MAGEC3: variants seen among roughly 807,000 people sequenced by gnomAD.
MAGEC3 encodes the protein MAGE family member C3, also known as melanoma-associated antigen C3.
A neutral mutation model predicts 35.3 loss-of-function variants in MAGEC3; 34 were observed. That is an observed-to-expected ratio of 0.96 (90% confidence interval 0.73 to 1.28). MAGEC3 has a LOEUF of 1.28. Ranked by LOEUF, MAGEC3 falls within the 50% of genes most tolerant of loss-of-function variation. The pLI is 0.00. For synonymous variants in MAGEC3, 202 were observed against 185.6 expected (o/e 1.09, Z -0.72); for missense variants, 561 against 483.6 (o/e 1.16, Z -1.50).
chrX:141,848,107 A>G (rs1194964055), intron 1 of MAGEC3, among the ~76,000 whole-genome samples: 1 of 109,940 alleles, frequency 9.1e-6, no homozygotes, highest in Non-Finnish European at 1.9e-5. Flanking sequence ...ATATACACGC[A>G]TCTATATGTA....
chrX:141,869,210 A>G lies in MAGEC3; in HGVS notation c.258+3605A>G, dbSNP rs774898001. On this transcript the variant is annotated intron_variant, in intron 2 of 7. Coordinates refer to ENST00000298296, the MANE Select transcript of MAGEC3 (RefSeq NM_138702.1). ...GTTCTTTGATTTTTTAAAGGAGAGC[A>G]TACCATTCCAGTTAAAGCCTTGGTA... Among the ~76,000 whole-genome samples, 265 of 111,532 alleles carry G rather than the reference A, an allele frequency of 2.4e-3. 1 individual carries two copies. Among genetic ancestry groups the G allele is most frequent in the African/African-American group, 8.4e-3 (258 of 30,684 alleles).
At chrX:141,842,861 G>C (rs2017694268) in intron 1 of MAGEC3, among the ~76,000 whole-genome samples, 1 of 110,977 alleles carries the variant, frequency 9.0e-6, no homozygotes, top group East Asian at 2.8e-4. Context: ...TACATTGTTA[G>C]TTCTACATTT....
intron 4 of MAGEC3, among the ~76,000 whole-genome samples, chrX:141,886,252 T>A (rs2018001916): frequency 9.1e-6 from 1 of 110,170 alleles, no homozygotes; most frequent in African/African-American, 3.4e-5. Flanking sequence ...AAAACTTCCA[T>A]GTTAAGTGGA....
chrX:141,867,540 G>A (rs1280220741), intron 2 of MAGEC3, among the ~76,000 whole-genome samples: 1 of 111,702 alleles, frequency 9.0e-6, no homozygotes, highest in Non-Finnish European at 1.9e-5. Flanking sequence ...ACAAACAAAC[G>A]AAAAGAGTGC....
intron 4 of MAGEC3, chrX:141,894,785 C>T (rs1206395763): frequency 7.3e-6 from 7 of 956,645 alleles, no homozygotes; most frequent in Non-Finnish European, 8.0e-6. Flanking sequence ...CACCCCTGGA[C>T]AAAACAGATG....
intron 1 of MAGEC3, among the ~76,000 whole-genome samples, chrX:141,852,178 G>A (rs1383772294): frequency 1.9e-5 from 2 of 104,876 alleles, no homozygotes; most frequent in African/African-American, 7.0e-5. Flanking sequence ...TTAATCCTAA[G>A]TATTTATTTT....
intron 1 of MAGEC3, among the ~76,000 whole-genome samples, chrX:141,840,251 C>G (rs975206358): frequency 5.4e-5 from 6 of 111,751 alleles, no homozygotes; most frequent in Non-Finnish European, 9.4e-5. Flanking sequence ...GATATTTTAC[C>G]TCTGAGAAAG....
chrX:141,866,478 AAAAAC>A (rs1332198057), intron 2 of MAGEC3, among the ~76,000 whole-genome samples: 2 of 112,369 alleles, frequency 1.8e-5, no homozygotes, highest in African/African-American at 6.5e-5. Context: ...GACAATGTGA[AAAAAC>A]AAAAACACTC....
chrX:141,850,142 T>C (rs1161386822), intron 1 of MAGEC3, among the ~76,000 whole-genome samples: 1 of 111,208 alleles, frequency 9.0e-6, no homozygotes, highest in African/African-American at 3.3e-5. Flanking sequence ...AAATACCACA[T>C]GTTCTCACTT....
At chrX:141,866,819 A>G (rs1184039872) in intron 2 of MAGEC3, among the ~76,000 whole-genome samples, 3 of 112,366 alleles carry the variant, frequency 2.7e-5, no homozygotes, top group Non-Finnish European at 5.6e-5. Context: ...AAATGAAGCA[A>G]GATTTCTGAC....
chrX:141,853,726 G>T (rs758741469), intron 1 of MAGEC3, among the ~76,000 whole-genome samples: 6 of 111,407 alleles, frequency 5.4e-5, no homozygotes, highest in Admixed American at 1.9e-4. Context: ...GTAAGGTTTT[G>T]TGGGTGTTTT....
intron 4 of MAGEC3, 65 bp from the exon 5 acceptor site, chrX:141,895,204 C>T: frequency 1.8e-6 from 2 of 1,100,246 alleles, no homozygotes; most frequent in Non-Finnish European, 2.5e-6. Context: ...TGGAAGGAGG[C>T]GGAGAGGTGG....
At chrX:141,896,451 T>C (rs2018095349) in intron 6 of MAGEC3, 3 of 1,153,468 alleles carry the variant, frequency 2.6e-6, no homozygotes, top group South Asian at 2.1e-5. Flanking sequence ...AGCAAACCTC[T>C]TAGGAAGACA....
At position 141,889,440 on chromosome X, in the gene MAGEC3, G is replaced by A. The variant is rs188963558; in HGVS notation, c.910-5829G>A. On this transcript the variant is annotated intron_variant, in intron 4 of 7. Coordinates refer to ENST00000298296, the MANE Select transcript of MAGEC3 (RefSeq NM_138702.1). The stretch of plus-strand genomic sequence containing the variant: ...TATTTCCAGAGGGAGAAACGCTGCC[G>A]CCAGGAGACACAACAATGATTCCAT... 2.8e-3 allele frequency among the ~76,000 whole-genome samples: 314 copies of A among 111,345 alleles called. 2 individuals are homozygous for A. Among genetic ancestry groups the A allele is most frequent in the African/African-American group, 9.7e-3 (297 of 30,577 alleles).
chrX:141,891,306 C>T (rs1368572774), intron 4 of MAGEC3, among the ~76,000 whole-genome samples: 1 of 111,278 alleles, frequency 9.0e-6, no homozygotes, highest in Non-Finnish European at 1.9e-5. Context: ...GGGTATAATT[C>T]GGCCCATAAC....
At chrX:141,880,954 C>A in intron 3 of MAGEC3, 1 of 608,482 alleles carries the variant, frequency 1.6e-6, no homozygotes. Flanking sequence ...CACACATTTA[C>A]CTCCTGCTCC....
chrX:141,890,185 T>C (rs1847487976), intron 4 of MAGEC3, among the ~76,000 whole-genome samples: 1 of 111,100 alleles, frequency 9.0e-6, no homozygotes, highest in Non-Finnish European at 1.9e-5. Flanking sequence ...TAGAGAACCC[T>C]GACTAATACA....
intron 4 of MAGEC3, among the ~76,000 whole-genome samples, chrX:141,885,400 C>T (rs2017995024): frequency 9.1e-6 from 1 of 109,982 alleles, no homozygotes; most frequent in South Asian, 3.9e-4. Flanking sequence ...GGCGCAGTGG[C>T]TCATGCATGT....
At chrX:141,876,488 T>G (rs1378291280) in intron 2 of MAGEC3, among the ~76,000 whole-genome samples, 1 of 111,751 alleles carries the variant, frequency 8.9e-6, no homozygotes, top group African/African-American at 3.3e-5. Flanking sequence ...TCTTTGACTC[T>G]TATCTTACTT....
Sources: gnomAD v4.1 joint callset for allele counts (sites outside exome capture counted in the v4.1 genomes callset) on GRCh38, gnomAD v4.1.1 for gene constraint, MANE v1.5 for transcripts, NCBI Gene and HGNC (gene_info 2026-07-23, HGNC 2026-07-21) for gene names.